The following PDGFRL variants were observed in gnomAD, a reference collection of about 807,000 sequenced individuals.
PDGFRL encodes platelet-derived growth factor receptor-like protein.
A neutral mutation model predicts 37.2 loss-of-function variants in PDGFRL; 46 were observed. The ratio of observed to expected loss-of-function variants is 1.24; its 90% CI spans 0.98 to 1.58. The LOEUF (loss-of-function observed/expected upper bound fraction) is 1.58. Among genes scored for constraint, PDGFRL ranks in the 40% most tolerant of loss-of-function variants. PDGFRL has a pLI of 0.00. For synonymous variants in PDGFRL, 251 were observed against 184.3 expected, an observed-to-expected ratio of 1.36 and a Z score of -2.93; for missense variants, 692 against 467.6, an observed-to-expected ratio of 1.48 and a Z score of -4.43.
At chr8:17,609,651 AAAAAAAAAAAAAAAT>A (rs781396265) in intron 2 of PDGFRL, among the ~76,000 whole-genome samples, 16,465 of 142,980 alleles carry the variant, frequency 0.12, 1,240 homozygotes, top group East Asian at 0.17. Flanking sequence ...AAAAAAAAAA[AAAAAAAAAAAAAAAT>A]AAGAGCCAAA....
At chr8:17,638,048 C>G (rs1026316331) in intron 5 of PDGFRL, among the ~76,000 whole-genome samples, 1 of 152,036 alleles carries the variant, frequency 6.6e-6, no homozygotes. Context: ...CAATTTCATT[C>G]AGTTCTGCTC....
chr8:17,616,729 G>C (rs961899210), intron 2 of PDGFRL, among the ~76,000 whole-genome samples: 1 of 152,126 alleles, frequency 6.6e-6, no homozygotes, highest in African/African-American at 2.4e-5. Flanking sequence ...TTGTGTAGGA[G>C]AACTCGGGAG....
intron 3 of PDGFRL, among the ~76,000 whole-genome samples, chr8:17,626,066 C>G (rs1383391816): frequency 6.6e-6 from 1 of 152,228 alleles, no homozygotes; most frequent in African/African-American, 2.4e-5. Flanking sequence ...ACTAATGGCT[C>G]TGCTTATCGC....
At chr8:17,632,336 G>C (rs59502964) in intron 4 of PDGFRL, among the ~76,000 whole-genome samples, 3,250 of 147,744 alleles carry the variant, frequency 0.022, 106 homozygotes, top group African/African-American at 0.078. Flanking sequence ...TTTCCACACT[G>C]TAGCTGATTT....
chr8:17,640,980 C>T (rs1805080128), intron 5 of PDGFRL, among the ~76,000 whole-genome samples: 1 of 151,972 alleles, frequency 6.6e-6, no homozygotes, highest in African/African-American at 2.4e-5. Flanking sequence ...GTGTGGTTCT[C>T]AGGCCAATGG....
intron 1 of PDGFRL, among the ~76,000 whole-genome samples, chr8:17,580,002 T>C (rs1563501104): frequency 6.6e-6 from 1 of 152,226 alleles, no homozygotes; most frequent in Non-Finnish European, 1.5e-5. Context: ...TTGAAAAGTA[T>C]AAAATCACAA....
At chr8:17,600,915 A>T (rs1317535198) in intron 2 of PDGFRL, among the ~76,000 whole-genome samples, 2 of 151,946 alleles carry the variant, frequency 1.3e-5, no homozygotes, top group African/African-American at 4.8e-5. Flanking sequence ...CCAGGAGCTC[A>T]AGACTGCAGT....
At chr8:17,606,706 GT>G (rs1804285233) in intron 2 of PDGFRL, among the ~76,000 whole-genome samples, 1 of 18,968 alleles carries the variant, frequency 5.3e-5, no homozygotes, top group Non-Finnish European at 6.5e-4. Context: ...CAGGACAAGG[GT>G]GGGGGGCAGG....
At chr8:17,592,934 AC>A (rs1563508753) in intron 2 of PDGFRL, among the ~76,000 whole-genome samples, 2 of 149,368 alleles carry the variant, frequency 1.3e-5, no homozygotes, top group African/African-American at 5.0e-5. Context: ...ACACACACAC[AC>A]ACACACACAC....
At position 17,579,384 on chromosome 8, in the gene PDGFRL, G is replaced by T. The variant is rs1016464006; in HGVS notation, c.55+2077G>T. Among the ~76,000 whole-genome samples, 6 of 152,000 alleles carry T rather than the reference G, an allele frequency of 3.9e-5. No homozygotes were observed. The East Asian group carries it at 1.2e-3, about 29-fold the overall frequency. ...GCTACTAAGGAGAGTGGATTACACA[G>T]GAGGCCCTTCCAGTGCTGGTCTCAG... is the stretch of plus-strand genomic sequence containing the variant. On this transcript the variant is annotated intron_variant, in intron 1 of 5. Transcript: ENST00000251630.
chr8:17,578,384 A>G (rs1051933215), intron 1 of PDGFRL, among the ~76,000 whole-genome samples: 5 of 152,212 alleles, frequency 3.3e-5, no homozygotes, highest in African/African-American at 7.2e-5. Flanking sequence ...TGTAGTTTGC[A>G]AAATCCAAGA....
At position 17,618,469 on chromosome 8, in the gene PDGFRL, T is replaced by C. The variant is rs146319672; in HGVS notation, c.354-2582T>C. Among the ~76,000 whole-genome samples the C allele has an allele frequency of 3.8e-3, 580 of 152,326 alleles. 4 individuals are homozygous for C. The highest frequency in any genetic ancestry group is 0.013 in the African/African-American group (558 of 41,562). ...CTACTATTCATCTGTAATTAAGATA[T>C]AATTGGGATAACACAATGAATCAGG... On this transcript the variant is annotated intron_variant, in intron 2 of 5. Coordinates refer to ENST00000251630, the MANE Select transcript of PDGFRL (RefSeq NM_001372073.1).
chr8:17,618,080 C>A (rs74899118), intron 2 of PDGFRL, among the ~76,000 whole-genome samples: 3,758 of 151,652 alleles, frequency 0.025, 105 homozygotes, highest in South Asian at 0.093. Flanking sequence ...TTTTTTAAGT[C>A]AGGGTTTTGC....
chr8:17,589,555 A>G lies in PDGFRL; in HGVS notation c.143A>G (p.Lys48Arg). Residue 48 changes from lysine (K) to arginine (R), a missense_variant, in exon 2 of 6, where the codon AAA becomes AGA. By Grantham distance (26) the Lys-to-Arg change is conservative. Transcript: ENST00000251630. ...IKPTNKKVKP[K>R]IPKMKDRDSA... ...CCTACCAACAAGAAGGTGAAGCCCA[A>G]AATTCCTAAAATGAAGGACAGGGAC... is the stretch of plus-strand genomic sequence containing the variant. The G allele has an allele frequency of 6.2e-7, 1 of 1,613,784 alleles. No individual in the cohort carries two copies. Among genetic ancestry groups the G allele is most frequent in the Non-Finnish European group, 8.5e-7 (1 of 1,179,618 alleles).
intron 2 of PDGFRL, among the ~76,000 whole-genome samples, chr8:17,594,194 G>A (rs560317388): frequency 2.0e-5 from 3 of 152,122 alleles, no homozygotes; most frequent in South Asian, 4.1e-4. Flanking sequence ...AGCCTATGAC[G>A]TGGTTTCCTC....
At chr8:17,600,876 G>A (rs540441896) in intron 2 of PDGFRL, among the ~76,000 whole-genome samples, 1 of 152,126 alleles carries the variant, frequency 6.6e-6, no homozygotes, top group Non-Finnish European at 1.5e-5. Context: ...CAGCTACTTG[G>A]GAGGCTCGGA....
intron 5 of PDGFRL, among the ~76,000 whole-genome samples, chr8:17,637,285 T>C (rs1297251822): frequency 1.3e-5 from 2 of 152,200 alleles, no homozygotes; most frequent in Admixed American, 1.3e-4. Flanking sequence ...AGGGTTTTAA[T>C]CATAAAGGGA....
chr8:17,627,440 T>A (rs1201736540), intron 3 of PDGFRL, among the ~76,000 whole-genome samples: 4 of 151,100 alleles, frequency 2.6e-5, no homozygotes, highest in African/African-American at 9.8e-5. Context: ...CTTTAACACA[T>A]TTTTTTGTTG....
intron 2 of PDGFRL, among the ~76,000 whole-genome samples, chr8:17,598,646 T>A (rs1421823996): frequency 1.3e-5 from 2 of 152,204 alleles, no homozygotes; most frequent in Admixed American, 1.3e-4. Flanking sequence ...TGGTGCTGTG[T>A]CACCTGGATC....
Sources: gnomAD v4.1 joint callset for allele counts (sites outside exome capture counted in the v4.1 genomes callset) on GRCh38, gnomAD v4.1.1 for gene constraint, MANE v1.5 for transcripts, NCBI Gene and HGNC (gene_info 2026-07-23, HGNC 2026-07-21) for gene names.